The following GNA14 variants were observed in gnomAD, a reference collection of about 807,000 sequenced individuals.
GNA14 encodes G protein subunit alpha 14.
In GNA14, 50 loss-of-function variants were observed where a neutral mutation model predicts 42.0. The ratio of observed to expected loss-of-function variants is 1.19; its 90% CI spans 0.95 to 1.51. The LOEUF (loss-of-function observed/expected upper bound fraction) is 1.51, where lower values mean the gene tolerates loss of function less well. Ranked by LOEUF, GNA14 falls within the 40% of genes most tolerant of loss-of-function variation. The probability of loss-of-function intolerance (pLI) is 0.00; values close to 1 mark genes in which losing one functional copy is unlikely to be tolerated. For missense variants in GNA14, 473 were observed against 446.2 expected (o/e 1.06, Z -0.54); for synonymous variants, 173 against 163.1 (o/e 1.06, Z -0.46).
intron 2 of GNA14, among the ~76,000 whole-genome samples, chr9:77,506,740 A>G (rs1232802536): frequency 6.6e-6 from 1 of 152,156 alleles, no homozygotes; most frequent in Non-Finnish European, 1.5e-5. Flanking sequence ...TCCAGTGTGT[A>G]TTTCACACTC....
chr9:77,519,197 G>C (rs566991946), intron 2 of GNA14, among the ~76,000 whole-genome samples: 2 of 152,256 alleles, frequency 1.3e-5, no homozygotes, highest in South Asian at 4.1e-4. Flanking sequence ...GGTCACCTGA[G>C]GTCAGAAGTT....
At chr9:77,498,609 A>G (rs1173676636) in intron 2 of GNA14, among the ~76,000 whole-genome samples, 3 of 152,170 alleles carry the variant, frequency 2.0e-5, no homozygotes, top group Non-Finnish European at 4.4e-5. Flanking sequence ...TGCCTGGCAC[A>G]CAGTGGGCAC....
rs147753498 is a variant in GNA14 at position 77,473,947 on chromosome 9, T to C, written c.310-39425A>G. Among the ~76,000 whole-genome samples, 31 of 152,294 alleles carry C rather than the reference T, an allele frequency of 2.0e-4. No homozygotes were observed. The East Asian group carries it at 5.8e-3, about 28-fold the overall frequency. The stretch of plus-strand genomic sequence containing the variant: ...ATTGAATTGTACTGGGGCAACTGGA[T>C]ATTCACATGCAAAAGAATGAAACTG... On this transcript the variant is annotated intron_variant, in intron 2 of 6. Transcript: ENST00000341700.
intron 2 of GNA14, among the ~76,000 whole-genome samples, chr9:77,480,466 A>G (rs1836523699): frequency 6.6e-6 from 1 of 152,172 alleles, no homozygotes; most frequent in Non-Finnish European, 1.5e-5. Context: ...TATTTTATTG[A>G]GGATTTTTGC....
chr9:77,577,335 T>C (rs1010272660), intron 1 of GNA14, among the ~76,000 whole-genome samples: 1 of 152,170 alleles, frequency 6.6e-6, no homozygotes, highest in Non-Finnish European at 1.5e-5. Flanking sequence ...AATCCTATGT[T>C]CCCCTAAATG....
intron 2 of GNA14, among the ~76,000 whole-genome samples, chr9:77,451,617 A>G (rs1835902587): frequency 2.0e-5 from 3 of 152,162 alleles, no homozygotes; most frequent in African/African-American, 7.2e-5. Context: ...GTTATCCCCA[A>G]AAGATAATAT....
chr9:77,487,492 G>A (rs1401318825), intron 2 of GNA14, among the ~76,000 whole-genome samples: 1 of 113,024 alleles, frequency 8.8e-6, no homozygotes, highest in Admixed American at 8.4e-5. Context: ...CTATCTTATG[G>A]TATTTTTGTA....
intron 1 of GNA14, among the ~76,000 whole-genome samples, chr9:77,637,754 T>A (rs1824205435): frequency 6.6e-6 from 1 of 152,172 alleles, no homozygotes; most frequent in African/African-American, 2.4e-5. Context: ...CTCGGCAGGC[T>A]GAGGTGGAAG....
Position 77,581,484 on chromosome 9 carries a change from T to C in GNA14, c.125-52231A>G, listed in dbSNP as rs1482525442. On this transcript the variant is annotated intron_variant, in intron 1 of 6. Transcript: ENST00000341700. ...AACGTGAGTCAATGTACCTGGCACA[T>C]CCAAACTGCTATGACATGTTTTCTG... Among the ~76,000 whole-genome samples the C allele has an allele frequency of 4.6e-5, 7 of 152,300 alleles. No homozygotes were observed. The East Asian group carries it at 1.2e-3, about 25-fold the overall frequency.
chr9:77,465,346 C>A (rs1289908012), intron 2 of GNA14, among the ~76,000 whole-genome samples: 1 of 152,182 alleles, frequency 6.6e-6, no homozygotes, highest in African/African-American at 2.4e-5. Flanking sequence ...AGGGCATGTA[C>A]TTCATCTCTT....
At chr9:77,456,347 G>A (rs569054977) in intron 2 of GNA14, 3 of 152,244 alleles carry the variant, frequency 2.0e-5, no homozygotes, top group Admixed American at 2.0e-4. Flanking sequence ...AGACTAGAAA[G>A]AGACCATTAC....
At chr9:77,474,798 A>G (rs2131723616) in intron 2 of GNA14, among the ~76,000 whole-genome samples, 1 of 152,320 alleles carries the variant, frequency 6.6e-6, no homozygotes, top group East Asian at 1.9e-4. Flanking sequence ...GATCACATTG[A>G]AATATGATTT....
intron 2 of GNA14, among the ~76,000 whole-genome samples, chr9:77,515,338 A>G (rs1837235200): frequency 6.6e-6 from 1 of 152,220 alleles, no homozygotes; most frequent in African/African-American, 2.4e-5. Context: ...AGAGAGGAGC[A>G]TGTGGAAAAG....
At chr9:77,505,682 A>G (rs1837058297) in intron 2 of GNA14, among the ~76,000 whole-genome samples, 1 of 152,228 alleles carries the variant, frequency 6.6e-6, no homozygotes. Context: ...GTGACAAAGA[A>G]GGACATAAAC....
At chr9:77,588,638 A>G (rs1476538354) in intron 1 of GNA14, among the ~76,000 whole-genome samples, 4 of 152,192 alleles carry the variant, frequency 2.6e-5, no homozygotes, top group Admixed American at 1.3e-4. Flanking sequence ...GCAGGAAAAT[A>G]TATTTCATAT....
In GNA14 at chr9:77,428,980, T is replaced by C. The variant is rs1291475306; in HGVS notation, c.650A>G (p.Glu217Gly). The change falls in exon 5 of 7, where the codon GAG becomes GGG. Residue 217 changes from glutamate to glycine, a missense_variant. Coordinates refer to ENST00000341700, the MANE Select transcript of GNA14 (RefSeq NM_004297.4). Reference sequence around the variant, plus strand: ...CAAGAAAATAATGGAGGTGACACTCTCAAAGCAGTGAATCCACTTCCGTCT... The same window carrying C: ...CAAGAAAATAATGGAGGTGACACTCCCAAAGCAGTGAATCCACTTCCGTCT... The part of the protein sequence containing the change: ...SERRKWIHCF[E>G]SVTSIIFLVA... 6.2e-7 allele frequency: 1 copy of C among 1,613,840 alleles called. No individual in the cohort carries two copies. Among genetic ancestry groups the C allele is most frequent in the South Asian group, 1.1e-5 (1 of 91,064 alleles).
At chr9:77,643,231 G>GA (rs1824296293) in intron 1 of GNA14, among the ~76,000 whole-genome samples, 1 of 150,954 alleles carries the variant, frequency 6.6e-6, no homozygotes, top group Non-Finnish European at 1.5e-5. Context: ...AGAGTGGGAA[G>GA]GTGTTGTCAT....
intron 1 of GNA14, among the ~76,000 whole-genome samples, chr9:77,559,270 C>G (rs536724106): frequency 8.7e-4 from 132 of 152,146 alleles, no homozygotes; most frequent in Non-Finnish European, 1.7e-3. Context: ...GAGCTTGGTC[C>G]CAAGCTCCAC....
Position 77,478,203 on chromosome 9 carries a change from G to A in GNA14, c.310-43681C>T, listed in dbSNP as rs1317527753. ...TCCCCCCACCCCACAACAGTCCCCGGAGTGTGATGTTCCCCTTCCTGTGTC... is the reference window on the plus strand; with the variant it reads ...TCCCCCCACCCCACAACAGTCCCCGAAGTGTGATGTTCCCCTTCCTGTGTC... On this transcript the variant is annotated intron_variant, in intron 2 of 6. Coordinates refer to ENST00000341700, the MANE Select transcript of GNA14 (RefSeq NM_004297.4). Among the ~76,000 whole-genome samples the A allele has an allele frequency of 4.0e-5, 6 of 150,312 alleles. No homozygotes were observed. The East Asian group carries it at 5.9e-4, about 15-fold the overall frequency.
Sources: gnomAD v4.1 joint callset for allele counts (sites outside exome capture counted in the v4.1 genomes callset) on GRCh38, gnomAD v4.1.1 for gene constraint, MANE v1.5 for transcripts, NCBI Gene and HGNC (gene_info 2026-07-23, HGNC 2026-07-21) for gene names.